Variants in GMDS observed in about 807,000 individuals in gnomAD.
GMDS encodes the protein GDP-mannose 4,6-dehydratase.
Under a neutral mutation model 49.9 loss-of-function variants are expected in GMDS, and 20 were observed. The ratio of observed to expected loss-of-function variants is 0.40; its 90% CI spans 0.28 to 0.58. The LOEUF is 0.58. Ranked by LOEUF, GMDS falls within the 20% of genes least tolerant of loss-of-function variation. The probability of loss-of-function intolerance (pLI) is 0.42; values close to 1 mark genes in which losing one functional copy is unlikely to be tolerated. For missense variants in GMDS, 362 were observed against 481.4 expected (o/e 0.75, Z 2.32); for synonymous variants, 177 against 178.6 (o/e 0.99, Z 0.07).
chr6:2,026,803 A>G (rs1768629643), intron 4 of GMDS, among the ~76,000 whole-genome samples: 1 of 152,234 alleles, frequency 6.6e-6, no homozygotes, highest in Non-Finnish European at 1.5e-5. Context: ...GTCAGTGCAT[A>G]TTAATCAAGC....
intron 1 of GMDS, among the ~76,000 whole-genome samples, chr6:2,125,358 G>A (rs1371312146): frequency 6.6e-6 from 1 of 152,112 alleles, no homozygotes; most frequent in Non-Finnish European, 1.5e-5. Flanking sequence ...CAAACTCCTG[G>A]ACACAAGTGA....
At chr6:2,188,579 G>A (rs1778878093) in intron 1 of GMDS, among the ~76,000 whole-genome samples, 1 of 152,230 alleles carries the variant, frequency 6.6e-6, no homozygotes, top group Non-Finnish European at 1.5e-5. Flanking sequence ...CACTTCTAAA[G>A]ATTTCAAGTT....
intron 4 of GMDS, among the ~76,000 whole-genome samples, chr6:1,969,289 A>AAGAG (rs1554139684): frequency 1.1e-4 from 9 of 84,354 alleles, no homozygotes; most frequent in African/African-American, 1.7e-4. Flanking sequence ...AAAAAAAAAA[A>AAGAG]AGAGAAAGAA....
chr6:2,103,416 C>T (rs2127488029), intron 4 of GMDS, among the ~76,000 whole-genome samples: 1 of 152,206 alleles, frequency 6.6e-6, no homozygotes, highest in East Asian at 1.9e-4. Flanking sequence ...TTGTTATACA[C>T]ACCTTTAGAA....
chr6:2,087,829 G>A (rs1272157468), intron 4 of GMDS, among the ~76,000 whole-genome samples: 2 of 152,178 alleles, frequency 1.3e-5, no homozygotes, highest in African/African-American at 4.8e-5. Context: ...CAGAATGTTA[G>A]ATTGAGTGAA....
intron 7 of GMDS, among the ~76,000 whole-genome samples, chr6:1,763,473 G>A (rs534585244): frequency 7.2e-5 from 11 of 152,286 alleles, no homozygotes; most frequent in South Asian, 6.2e-4. Flanking sequence ...CTTCCAGGGC[G>A]CTGCCCTTAC....
chr6:2,209,355 C>G (rs1416645848), intron 1 of GMDS, among the ~76,000 whole-genome samples: 1 of 152,196 alleles, frequency 6.6e-6, no homozygotes, highest in Non-Finnish European at 1.5e-5. Context: ...CTCTGCAGAT[C>G]TGATGTTTTA....
intron 1 of GMDS, among the ~76,000 whole-genome samples, chr6:2,221,075 G>A (rs1463529187): frequency 6.6e-6 from 1 of 152,104 alleles, no homozygotes; most frequent in East Asian, 1.9e-4. Context: ...CACAAGTAAT[G>A]TACTCCTCAG....
At chr6:2,101,198 G>T (rs1773904055) in intron 4 of GMDS, among the ~76,000 whole-genome samples, 3 of 151,710 alleles carry the variant, frequency 2.0e-5, no homozygotes, top group Middle Eastern at 3.4e-3. Flanking sequence ...CCAGATAAGG[G>T]TTTAACCGGG....
At chr6:1,637,587 A>G (rs1398028767) in intron 9 of GMDS, among the ~76,000 whole-genome samples, 1 of 152,194 alleles carries the variant, frequency 6.6e-6, no homozygotes, top group African/African-American at 2.4e-5. Context: ...CATCACACAT[A>G]AATAATGGCA....
intron 9 of GMDS, among the ~76,000 whole-genome samples, chr6:1,694,653 G>A (rs920742956): frequency 2.6e-5 from 4 of 152,212 alleles, no homozygotes; most frequent in African/African-American, 9.6e-5. Flanking sequence ...AGTTATATTT[G>A]CTTTAGTAGC....
chr6:2,154,863 C>CAAAAAAAAAAAAAAAAAAAA (rs70992124), intron 1 of GMDS, among the ~76,000 whole-genome samples: 10 of 65,620 alleles, frequency 1.5e-4, no homozygotes, highest in African/African-American at 4.4e-4. Context: ...TGAAGAGATG[C>CAAAAAAAAAAAAAAAAAAAA]AAAAAAAAAA....
chr6:1,737,600 C>A (rs1024087858), intron 8 of GMDS, among the ~76,000 whole-genome samples: 1 of 146,680 alleles, frequency 6.8e-6, no homozygotes, highest in East Asian at 2.0e-4. Context: ...CATACACACA[C>A]CACACACACC....
chr6:1,728,541 C>T (rs190591407), intron 8 of GMDS, among the ~76,000 whole-genome samples: 96 of 152,320 alleles, frequency 6.3e-4, no homozygotes, highest in African/African-American at 2.3e-3. Flanking sequence ...ACTGGTAAAT[C>T]TCAAATGCCA....
At chr6:2,146,677 C>T (rs898949179) in intron 1 of GMDS, among the ~76,000 whole-genome samples, 4 of 152,170 alleles carry the variant, frequency 2.6e-5, no homozygotes, top group Non-Finnish European at 5.9e-5. Context: ...AGCTTTTTAA[C>T]AACACGCCCC....
intron 1 of GMDS, among the ~76,000 whole-genome samples, chr6:2,129,650 T>C (rs1200629329): frequency 1.3e-5 from 2 of 152,198 alleles, no homozygotes; most frequent in Non-Finnish European, 2.9e-5. Context: ...TTTAACTCCA[T>C]GTTGTCTAAT....
chr6:1,696,840 G>A (rs1014508046), intron 9 of GMDS, among the ~76,000 whole-genome samples: 11 of 152,228 alleles, frequency 7.2e-5, no homozygotes, highest in African/African-American at 2.4e-4. Context: ...TGGATGAAGA[G>A]CCTCAGATTT....
intron 4 of GMDS, among the ~76,000 whole-genome samples, chr6:2,065,187 C>A (rs530646619): frequency 6.6e-6 from 1 of 152,134 alleles, no homozygotes; most frequent in African/African-American, 2.4e-5. Flanking sequence ...CAGCCTGGTA[C>A]TCCAACAGAC....
At chr6:2,049,840 G>A (rs1770271657) in intron 4 of GMDS, among the ~76,000 whole-genome samples, 1 of 152,196 alleles carries the variant, frequency 6.6e-6, no homozygotes. Context: ...TGAGAACAAA[G>A]ACACAATGTA....
Sources: allele counts gnomAD v4.1 joint callset (sites outside exome capture counted in the v4.1 genomes callset), GRCh38; gene constraint gnomAD v4.1.1; transcripts MANE v1.5; gene names NCBI Gene and HGNC (gene_info 2026-07-23, HGNC 2026-07-21).